IKZF1: variants seen among roughly 807,000 people sequenced by gnomAD.
IKZF1 encodes the protein IKAROS family zinc finger 1.
A neutral mutation model predicts 51.7 loss-of-function variants in IKZF1; 10 were observed. The observed-to-expected ratio is 0.19, with a 90% CI of 0.12 to 0.33. IKZF1 has a LOEUF of 0.33. IKZF1 is among the 10% of genes least tolerant of loss of function. IKZF1 has a pLI of 1.00. For synonymous variants in IKZF1, 280 were observed against 282.3 expected, an observed-to-expected ratio of 0.99 and a Z score of 0.08; for missense variants, 484 against 707.5, an observed-to-expected ratio of 0.68 and a Z score of 3.58.
At chr7:50,309,265 C>T (rs893032137) in intron 1 of IKZF1, among the ~76,000 whole-genome samples, 2 of 152,216 alleles carry the variant, frequency 1.3e-5, no homozygotes, top group East Asian at 1.9e-4. Context: ...GTAAATCTGA[C>T]TCTCTTCCCG....
At chr7:50,383,874 G>A (rs577335047) in intron 5 of IKZF1, among the ~76,000 whole-genome samples, 1 of 152,388 alleles carries the variant, frequency 6.6e-6, no homozygotes, top group South Asian at 2.1e-4. Context: ...CAAATGTGAT[G>A]CGTGTATTTG....
chr7:50,323,437 G>A (rs7791054), intron 2 of IKZF1, among the ~76,000 whole-genome samples: 16,933 of 152,238 alleles, frequency 0.11, 1,198 homozygotes, highest in East Asian at 0.23. Flanking sequence ...GGAGAGGCGG[G>A]ATGACAGAAC....
At chr7:50,322,045 G>C (rs1306428068) in intron 2 of IKZF1, among the ~76,000 whole-genome samples, 1 of 152,180 alleles carries the variant, frequency 6.6e-6, no homozygotes, top group Non-Finnish European at 1.5e-5. Context: ...GTAATGATGA[G>C]AGCACTTAAA....
chr7:50,404,130 A>C lies in IKZF1; in HGVS notation c.*3503A>C, dbSNP rs1818597191. 4.6e-6 allele frequency: 1 copy of C among 215,066 alleles called. No homozygotes were observed. The highest frequency in any genetic ancestry group is 9.4e-6 in the Non-Finnish European group (1 of 106,172). 13.3% of individuals were successfully genotyped at this position (215,066 alleles called of 1,614,324 possible). A position where few individuals can be genotyped will look rare whatever the true frequency, so the allele number is the denominator to read the frequency against. On this transcript the variant is annotated 3_prime_UTR_variant, in exon 8 of 8. Coordinates refer to ENST00000331340, the MANE Select transcript of IKZF1 (RefSeq NM_006060.6). ...CTGTGAACATGTGTAACCACATATT[A>C]ATATGCAATATTGTTTCCAATACTT... is the stretch of plus-strand genomic sequence containing the variant.
chr7:50,316,587 C>T lies in IKZF1; in HGVS notation c.-14-2461C>T, dbSNP rs1791606321. On this transcript the variant is annotated intron_variant, in intron 1 of 7. Coordinates refer to ENST00000331340, the MANE Select transcript of IKZF1 (RefSeq NM_006060.6). ...CCTAGCTCCCTCCAGGAGACTGGTGCGGGGACTGTTTGCAAATGACTGCAA... is the reference window on the plus strand; with the variant it reads ...CCTAGCTCCCTCCAGGAGACTGGTGTGGGGACTGTTTGCAAATGACTGCAA... Among the ~76,000 whole-genome samples the T allele has an allele frequency of 1.3e-5, 2 of 152,204 alleles. 1 individual carries two copies. Among genetic ancestry groups the T allele is most frequent in the South Asian group, 4.1e-4 (2 of 4,830 alleles).
intron 3 of IKZF1, among the ~76,000 whole-genome samples, chr7:50,353,556 C>A (rs1423940509): frequency 6.6e-6 from 1 of 152,216 alleles, no homozygotes; most frequent in Non-Finnish European, 1.5e-5. Flanking sequence ...CAGGCTAATC[C>A]TCCAGTGATG....
At chr7:50,319,282 G>C (rs1383569898) in intron 2 of IKZF1, among the ~76,000 whole-genome samples, 181 bp downstream of exon 2, 1 of 152,040 alleles carries the variant, frequency 6.6e-6, no homozygotes, top group Non-Finnish European at 1.5e-5. Flanking sequence ...ACTTTGAGCT[G>C]AACAGAAAGC....
chr7:50,322,614 T>G (rs1793702239), intron 2 of IKZF1, among the ~76,000 whole-genome samples: 1 of 152,222 alleles, frequency 6.6e-6, no homozygotes, highest in Non-Finnish European at 1.5e-5. Context: ...GTCTCACTAA[T>G]TCTTTGGGTA....
intron 6 of IKZF1, among the ~76,000 whole-genome samples, chr7:50,389,394 C>G (rs59522145): frequency 1.3e-5 from 2 of 152,118 alleles, no homozygotes; most frequent in African/African-American, 4.8e-5. Context: ...TTAAATATTA[C>G]CCTGTGGTGA....
At chr7:50,371,110 C>T (rs1433195108) in intron 3 of IKZF1, among the ~76,000 whole-genome samples, 1 of 152,178 alleles carries the variant, frequency 6.6e-6, no homozygotes, top group African/African-American at 2.4e-5. Flanking sequence ...GTATGATCAG[C>T]ACCATTTAAG....
intron 4 of IKZF1, 81 bp from the exon 5 acceptor site, chr7:50,382,459 G>T: frequency 6.8e-7 from 1 of 1,481,392 alleles, no homozygotes. Context: ...AGGCCCCCGT[G>T]GGAAACAACT....
intron 3 of IKZF1, among the ~76,000 whole-genome samples, chr7:50,341,870 T>C (rs1035102486): frequency 6.6e-6 from 1 of 152,216 alleles, no homozygotes; most frequent in African/African-American, 2.4e-5. Context: ...TCAATTTGGG[T>C]TGGTCACATT....
chr7:50,389,268 A>C (rs967164087), intron 6 of IKZF1, among the ~76,000 whole-genome samples: 6 of 152,216 alleles, frequency 3.9e-5, no homozygotes, highest in African/African-American at 1.4e-4. Context: ...GAGCCTAGAC[A>C]TGTGTCAGGT....
At chr7:50,368,120 G>A in intron 3 of IKZF1, 1 of 703,498 alleles carries the variant, frequency 1.4e-6, no homozygotes, top group Non-Finnish European at 2.6e-6. Context: ...CTCCTATCAT[G>A]TAAATATCGT....
intron 3 of IKZF1, among the ~76,000 whole-genome samples, chr7:50,346,110 A>T (rs550886705): frequency 6.6e-6 from 1 of 152,304 alleles, no homozygotes; most frequent in East Asian, 1.9e-4. Context: ...TAGTGCAGAC[A>T]ACTTCATCCC....
chr7:50,365,761 A>G (rs1806715430), intron 3 of IKZF1, among the ~76,000 whole-genome samples: 1 of 152,196 alleles, frequency 6.6e-6, no homozygotes, highest in Non-Finnish European at 1.5e-5. Context: ...TGACCCAGCA[A>G]TCCCATTACT....
chr7:50,321,418 C>T (rs1024193538), intron 2 of IKZF1, among the ~76,000 whole-genome samples: 8 of 152,316 alleles, frequency 5.3e-5, no homozygotes, highest in African/African-American at 1.9e-4. Flanking sequence ...GACTGTAATC[C>T]TCACTCATGG....
At chr7:50,330,114 C>T (rs776027924) in intron 3 of IKZF1, among the ~76,000 whole-genome samples, 18 of 152,158 alleles carry the variant, frequency 1.2e-4, no homozygotes, top group Admixed American at 6.5e-4. Context: ...CCAGCTGCCC[C>T]CAGCACAGGT....
At position 50,402,434 on chromosome 7, in the gene IKZF1, C is replaced by T. The variant is rs998602033; in HGVS notation, c.*1807C>T. ...TACCCAATAGACGCCAGTAGCACCC[C>T]GAATTGACAACCCAAACTCTCCAGA... is the stretch of plus-strand genomic sequence containing the variant. On this transcript the variant is annotated 3_prime_UTR_variant, in exon 8 of 8. Coordinates refer to ENST00000331340, the MANE Select transcript of IKZF1 (RefSeq NM_006060.6). The T allele has an allele frequency of 1.6e-4, 38 of 231,090 alleles. No individual in the cohort carries two copies. Among genetic ancestry groups the T allele is most frequent in the African/African-American group, 8.2e-4 (37 of 45,300 alleles). The allele number at this position is 231,090 out of a possible 1,614,324, so 14.3% of individuals were successfully genotyped here. A position where few individuals can be genotyped will look rare whatever the true frequency, so the allele number is the denominator to read the frequency against.
Sources: gnomAD v4.1 joint callset for allele counts (sites outside exome capture counted in the v4.1 genomes callset) on GRCh38, gnomAD v4.1.1 for gene constraint, MANE v1.5 for transcripts, NCBI Gene and HGNC (gene_info 2026-07-23, HGNC 2026-07-21) for gene names.